Variants in MICU1 observed in about 807,000 individuals in gnomAD.
MICU1 encodes the protein calcium uptake protein 1, mitochondrial.
A neutral mutation model predicts 56.8 loss-of-function variants in MICU1; 45 were observed. The ratio of observed to expected loss-of-function variants is 0.79; its 90% CI spans 0.62 to 1.02. MICU1 has a LOEUF of 1.02. Among genes scored for constraint, MICU1 ranks in the 50% least tolerant of loss-of-function variants. The pLI, the probability that MICU1 is intolerant of heterozygous loss-of-function variation, is 0.00. For missense variants in MICU1, 504 were observed against 587.1 expected (o/e 0.86, Z 1.46); for synonymous variants, 186 against 195.1 (o/e 0.95, Z 0.39).
chr10:72,380,536 T>A (rs1055582517), intron 10 of MICU1, among the ~76,000 whole-genome samples: 2 of 152,118 alleles, frequency 1.3e-5, no homozygotes, highest in Non-Finnish European at 2.9e-5. Flanking sequence ...TGATATAATA[T>A]CAGAAACTAC....
At chr10:72,370,737 A>G (rs1353123811) in intron 11 of MICU1, among the ~76,000 whole-genome samples, 1 of 152,176 alleles carries the variant, frequency 6.6e-6, no homozygotes, top group African/African-American at 2.4e-5. Flanking sequence ...CACTTAAGAT[A>G]TTTGTACTTT....
At chr10:72,480,148 G>A (rs1050499080) in intron 6 of MICU1, among the ~76,000 whole-genome samples, 1 of 152,192 alleles carries the variant, frequency 6.6e-6, no homozygotes, top group African/African-American at 2.4e-5. Context: ...GATGGCAGTG[G>A]TAATGGAGAG....
At chr10:72,466,493 G>C (rs1332046416) in intron 8 of MICU1, among the ~76,000 whole-genome samples, 1 of 152,160 alleles carries the variant, frequency 6.6e-6, no homozygotes, top group Admixed American at 6.5e-5. Flanking sequence ...TCTAAGGATG[G>C]AATAAGAAAC....
chr10:72,367,537 G>C lies in MICU1; in HGVS notation c.*658C>G, dbSNP rs1478439644. ...GTCACACTGGAGTCATCTTAGGGAG[G>C]CTGCGAGGAAGAAAAGGGAGTGCAC... On this transcript the variant is annotated 3_prime_UTR_variant, in exon 12 of 12. Transcript: ENST00000361114. 6.6e-6 allele frequency: 1 copy of C among 152,404 alleles called. No homozygotes were observed. The highest frequency in any genetic ancestry group is 1.5e-5 in the Non-Finnish European group (1 of 68,112). 9.4% of individuals were successfully genotyped at this position (152,404 alleles called of 1,614,324 possible). A position where few individuals can be genotyped will look rare whatever the true frequency, so the allele number is the denominator to read the frequency against.
chr10:72,509,353 C>T (rs1867364952), intron 5 of MICU1: 1 of 1,328,190 alleles, frequency 7.5e-7, no homozygotes, highest in Admixed American at 2.0e-5. Context: ...AACCAACAAG[C>T]ACCATCACAC....
chr10:72,452,119 C>T (rs541227205), intron 8 of MICU1, among the ~76,000 whole-genome samples: 132 of 152,234 alleles, frequency 8.7e-4, no homozygotes, highest in Non-Finnish European at 1.4e-3. Flanking sequence ...CTGCCTACCT[C>T]GGCCTCCCAA....
At chr10:72,542,244 C>T (rs1023834875) in intron 4 of MICU1, among the ~76,000 whole-genome samples, 5 of 152,102 alleles carry the variant, frequency 3.3e-5, no homozygotes, top group African/African-American at 1.2e-4. Context: ...CACAAAGCTG[C>T]TTCTTGTGAT....
chr10:72,515,824 G>A (rs763485805), intron 5 of MICU1, among the ~76,000 whole-genome samples: 2 of 152,008 alleles, frequency 1.3e-5, no homozygotes, highest in Non-Finnish European at 2.9e-5. Flanking sequence ...CATCACTTCC[G>A]AAAGTTCTTT....
chr10:72,413,899 T>C (rs1369774756), intron 9 of MICU1, among the ~76,000 whole-genome samples: 2 of 152,144 alleles, frequency 1.3e-5, no homozygotes, highest in Non-Finnish European at 2.9e-5. Context: ...TTAGCATCAT[T>C]AGGAAAATAC....
At chr10:72,466,573 T>A (rs1013031704) in intron 8 of MICU1, among the ~76,000 whole-genome samples, 1 of 152,240 alleles carries the variant, frequency 6.6e-6, no homozygotes, top group Middle Eastern at 3.2e-3. Context: ...GAACATATCA[T>A]TTTGTTTCTT....
chr10:72,488,804 T>A (rs910348575), intron 6 of MICU1, among the ~76,000 whole-genome samples: 6 of 152,196 alleles, frequency 3.9e-5, no homozygotes, highest in African/African-American at 1.4e-4. Context: ...TCAAGGTAAG[T>A]CTGGAGTTAT....
At chr10:72,619,396 G>T (rs542184278) in intron 1 of MICU1, among the ~76,000 whole-genome samples, 8 of 152,342 alleles carry the variant, frequency 5.3e-5, no homozygotes, top group Non-Finnish European at 1.0e-4. Flanking sequence ...AGTGAGCCGA[G>T]ATTGTGCCAC....
intron 8 of MICU1, among the ~76,000 whole-genome samples, chr10:72,456,866 TGTGTGTGTGTGTGTGTGTG>T: frequency 3.8e-5 from 1 of 26,378 alleles, no homozygotes; most frequent in Non-Finnish European, 1.2e-4. Flanking sequence ...TGTGTGTGTG[TGTGTGTGTGTGTGTGTGTG>T]TGTGTGTGTG....
At chr10:72,613,269 ATT>A (rs34740619) in intron 1 of MICU1, among the ~76,000 whole-genome samples, 21 of 129,326 alleles carry the variant, frequency 1.6e-4, no homozygotes, top group Admixed American at 2.4e-4. Context: ...TTTACCCCTA[ATT>A]TTTTTTTTTT....
chr10:72,438,963 C>T (rs533694852), intron 8 of MICU1, among the ~76,000 whole-genome samples: 6 of 152,204 alleles, frequency 3.9e-5, no homozygotes, highest in Admixed American at 1.3e-4. Context: ...GTGAATTCTA[C>T]CAGAGGTACA....
At chr10:72,596,916 G>A (rs1433360068) in intron 1 of MICU1, among the ~76,000 whole-genome samples, 1 of 150,212 alleles carries the variant, frequency 6.7e-6, no homozygotes, top group African/African-American at 2.4e-5. Context: ...AACAAAAAGA[G>A]TAAACCCTGA....
At chr10:72,500,285 T>C (rs76786902) in intron 6 of MICU1, among the ~76,000 whole-genome samples, 32 of 10,226 alleles carry the variant, frequency 3.1e-3, no homozygotes, top group Non-Finnish European at 0.014. Flanking sequence ...TATATATATA[T>C]ATATATATAT....
chr10:72,534,767 T>C (rs1261660535), intron 4 of MICU1, among the ~76,000 whole-genome samples: 1 of 152,090 alleles, frequency 6.6e-6, no homozygotes, highest in Non-Finnish European at 1.5e-5. Flanking sequence ...TTATCTGAAA[T>C]GTGCCTCATC....
chr10:72,504,105 T>A (rs1207338082), intron 6 of MICU1, among the ~76,000 whole-genome samples: 1 of 152,190 alleles, frequency 6.6e-6, no homozygotes, highest in East Asian at 1.9e-4. Context: ...ATTACCAATG[T>A]CATTTTTCAC....
Sources: allele counts gnomAD v4.1 joint callset (sites outside exome capture counted in the v4.1 genomes callset), GRCh38; gene constraint gnomAD v4.1.1; transcripts MANE v1.5; gene names NCBI Gene and HGNC (gene_info 2026-07-23, HGNC 2026-07-21).